Variants in ROBO1 observed in about 807,000 individuals in gnomAD.
The protein encoded by ROBO1 is roundabout homolog 1.
In ROBO1, 149 loss-of-function variants were observed where a neutral mutation model predicts 195.9. The observed-to-expected ratio is 0.76, with a 90% CI of 0.67 to 0.87. The LOEUF (loss-of-function observed/expected upper bound fraction) is 0.87. Ranked by LOEUF, ROBO1 falls within the 40% of genes least tolerant of loss-of-function variation. ROBO1 has a pLI of 0.00. For missense variants in ROBO1, 1,933 were observed against 2,068.3 expected (o/e 0.93, Z 1.27); for synonymous variants, 816 against 733.2 (o/e 1.11, Z -1.82).
At chr3:78,629,315 A>AC (rs768578904) in intron 25 of ROBO1, among the ~76,000 whole-genome samples, 17 of 151,788 alleles carry the variant, frequency 1.1e-4, no homozygotes, top group Non-Finnish European at 1.8e-4. Flanking sequence ...TTTAAAAAAA[A>AC]CCTATATTCA....
chr3:78,972,671 A>G (rs1265011069), intron 3 of ROBO1, among the ~76,000 whole-genome samples: 1 of 152,216 alleles, frequency 6.6e-6, no homozygotes, highest in Admixed American at 6.5e-5. Flanking sequence ...AATTTTCTTC[A>G]GCTACATATA....
chr3:79,120,750 A>G (rs2080101926), intron 3 of ROBO1, among the ~76,000 whole-genome samples: 1 of 152,154 alleles, frequency 6.6e-6, no homozygotes, highest in Non-Finnish European at 1.5e-5. Context: ...ATTGACTCCA[A>G]AAAATAATCA....
chr3:79,531,460 A>C, intron 2 of ROBO1, among the ~76,000 whole-genome samples: 1 of 152,102 alleles, frequency 6.6e-6, no homozygotes, highest in East Asian at 1.9e-4. Flanking sequence ...CATCTCTACT[A>C]AAAATACAAA....
intron 2 of ROBO1, among the ~76,000 whole-genome samples, chr3:79,226,300 A>ACAAG: frequency 6.6e-6 from 1 of 152,158 alleles, no homozygotes. Flanking sequence ...ATGTCACACA[A>ACAAG]CAAGGCACAC....
At chr3:79,384,001 A>T (rs1201360081) in intron 2 of ROBO1, among the ~76,000 whole-genome samples, 3 of 151,984 alleles carry the variant, frequency 2.0e-5, no homozygotes, top group Non-Finnish European at 4.4e-5. Context: ...TAATTTAGAG[A>T]TAATTTCACT....
At chr3:79,167,147 A>T (rs2081081459) in intron 2 of ROBO1, among the ~76,000 whole-genome samples, 1 of 151,602 alleles carries the variant, frequency 6.6e-6, no homozygotes, top group Admixed American at 6.6e-5. Flanking sequence ...AATATTGATT[A>T]TAAAATTGAA....
At chr3:79,548,815 CTT>C (rs540628648) in intron 2 of ROBO1, among the ~76,000 whole-genome samples, 367 of 152,278 alleles carry the variant, frequency 2.4e-3, no homozygotes, top group African/African-American at 8.4e-3. Flanking sequence ...GATACTCTCT[CTT>C]GGCAGCAGCA....
chr3:79,020,262 G>A (rs933624290), intron 3 of ROBO1, among the ~76,000 whole-genome samples: 9 of 152,096 alleles, frequency 5.9e-5, no homozygotes, highest in African/African-American at 2.2e-4. Context: ...TCTGTGACCA[G>A]GTCTGTTTTC....
intron 2 of ROBO1, among the ~76,000 whole-genome samples, chr3:79,585,807 G>T (rs1405923188): frequency 6.6e-6 from 1 of 151,846 alleles, no homozygotes; most frequent in Non-Finnish European, 1.5e-5. Context: ...AAGCATCTCA[G>T]GTGCTTCTGA....
intron 2 of ROBO1, among the ~76,000 whole-genome samples, chr3:79,510,745 A>T (rs191547572): frequency 6.6e-6 from 1 of 152,072 alleles, no homozygotes; most frequent in Admixed American, 6.5e-5. Flanking sequence ...AAGAAATGAA[A>T]ATTATACAAG....
In ROBO1 at chr3:79,056,128, G is replaced by A. The variant is rs142827345; in HGVS notation, c.172+69328C>T. On this transcript the variant is annotated intron_variant, in intron 3 of 30. Transcript: ENST00000464233. ...CTCATAGTTATTGATCTTAAAGATTGTTTTTTTCATCTTGCTCTACATAAA... is the reference window on the plus strand; with the variant it reads ...CTCATAGTTATTGATCTTAAAGATTATTTTTTTCATCTTGCTCTACATAAA... Among the ~76,000 whole-genome samples the A allele has an allele frequency of 4.4e-3, 665 of 152,080 alleles. 7 individuals are homozygous for A. The highest frequency in any genetic ancestry group is 0.015 in the African/African-American group (603 of 41,488).
intron 2 of ROBO1, among the ~76,000 whole-genome samples, chr3:79,377,748 G>A (rs752362368): frequency 2.0e-5 from 3 of 152,184 alleles, no homozygotes; most frequent in Non-Finnish European, 4.4e-5. Flanking sequence ...TCTCTAGCTA[G>A]AGCCTAACTG....
chr3:79,436,691 T>G (rs2038901637), intron 2 of ROBO1, among the ~76,000 whole-genome samples: 1 of 151,962 alleles, frequency 6.6e-6, no homozygotes, highest in South Asian at 2.1e-4. Context: ...TTTAAAAGAG[T>G]GTTTGAAGTG....
At chr3:78,899,444 G>A (rs1477086873) in intron 4 of ROBO1, among the ~76,000 whole-genome samples, 2 of 152,074 alleles carry the variant, frequency 1.3e-5, no homozygotes, top group Non-Finnish European at 1.5e-5. Context: ...TCAATAAGAG[G>A]ATGCATGGTT....
intron 27 of ROBO1, among the ~76,000 whole-genome samples, chr3:78,615,464 G>T (rs1214015411): frequency 6.6e-6 from 1 of 152,032 alleles, no homozygotes; most frequent in Non-Finnish European, 1.5e-5. Flanking sequence ...GTAGATGTTT[G>T]GTTTTGGAGA....
At position 79,304,810 on chromosome 3, in the gene ROBO1, A is replaced by G. The variant is rs542109343; in HGVS notation, c.89-179271T>C. On this transcript the variant is annotated intron_variant, in intron 2 of 30. Coordinates refer to ENST00000464233, the MANE Select transcript of ROBO1 (RefSeq NM_002941.4). ...GCTGTAACCATGTACATTTGTAAAC[A>G]TTTGTTTACATTTCTGTGTACATTT... Among the ~76,000 whole-genome samples, 51 of 152,326 alleles carry G rather than the reference A, an allele frequency of 3.3e-4. 1 individual carries two copies. The highest frequency in any genetic ancestry group is 6.8e-3 in the Middle Eastern group (2 of 294).
At chr3:78,691,855 C>G (rs533205475) in intron 8 of ROBO1, among the ~76,000 whole-genome samples, 2 of 152,214 alleles carry the variant, frequency 1.3e-5, no homozygotes, top group Non-Finnish European at 2.9e-5. Context: ...TCATTGAAAT[C>G]TAATTTGTTG....
intron 2 of ROBO1, among the ~76,000 whole-genome samples, chr3:79,229,386 CTTGGA>C (rs2082283286): frequency 6.6e-6 from 1 of 152,226 alleles, no homozygotes; most frequent in Admixed American, 6.5e-5. Flanking sequence ...AAAAAAATCA[CTTGGA>C]TTTCACAAGT....
chr3:79,661,239 G>A (rs914794653), intron 1 of ROBO1, among the ~76,000 whole-genome samples: 4 of 152,038 alleles, frequency 2.6e-5, no homozygotes, highest in African/African-American at 9.7e-5. Context: ...CATTCTTGGA[G>A]TGGCCCAAAT....
Sources: allele counts gnomAD v4.1 joint callset (sites outside exome capture counted in the v4.1 genomes callset), GRCh38; gene constraint gnomAD v4.1.1; transcripts MANE v1.5; gene names NCBI Gene and HGNC (gene_info 2026-07-23, HGNC 2026-07-21).